NR3C2: variants seen among roughly 807,000 people sequenced by gnomAD.
NR3C2 encodes the protein mineralocorticoid receptor.
A neutral mutation model predicts 86.4 loss-of-function variants in NR3C2; 15 were observed. The observed-to-expected ratio is 0.17, with a 90% CI of 0.12 to 0.27. The LOEUF is 0.27. Ranked by LOEUF, NR3C2 falls within the 10% of genes least tolerant of loss-of-function variation. NR3C2 has a pLI of 1.00. For synonymous variants in NR3C2, 458 were observed against 450.5 expected, an observed-to-expected ratio of 1.02 and a Z score of -0.21; for missense variants, 960 against 1,195.6, an observed-to-expected ratio of 0.80 and a Z score of 2.91.
intron 3 of NR3C2, among the ~76,000 whole-genome samples, chr4:148,223,052 A>G (rs1737943763): frequency 6.6e-6 from 1 of 152,344 alleles, no homozygotes; most frequent in South Asian, 2.1e-4. Flanking sequence ...AACAATGTAA[A>G]CTATAATTCT....
Position 148,080,390 on chromosome 4 carries a change from A to C in NR3C2, c.*954T>G, listed in dbSNP as rs946664761. ...TTAGATATGAAGCTAAAAAAGGCAC[A>C]GCTTTCCCTTTCTTAAATACACTGT... is the stretch of plus-strand genomic sequence containing the variant. On this transcript the variant is annotated 3_prime_UTR_variant, in exon 9 of 9. Coordinates refer to ENST00000358102, the MANE Select transcript of NR3C2 (RefSeq NM_000901.5). 1 of 152,724 alleles carries C rather than the reference A, an allele frequency of 6.5e-6. No individual in the cohort carries two copies. Among genetic ancestry groups the C allele is most frequent in the Admixed American group, 6.5e-5 (1 of 15,294 alleles). 9.5% of individuals were successfully genotyped at this position (152,724 alleles called of 1,614,324 possible).
At chr4:148,185,810 T>C (rs749167900) in intron 4 of NR3C2, among the ~76,000 whole-genome samples, 8 of 152,202 alleles carry the variant, frequency 5.3e-5, no homozygotes, top group Non-Finnish European at 1.2e-4. Flanking sequence ...CATTAGTATA[T>C]ACAGAGTTCC....
Position 148,435,311 on chromosome 4 carries a change from T to A in NR3C2, c.1550A>T (p.Asn517Ile). The A allele has an allele frequency of 6.2e-7, 1 of 1,614,170 alleles. No homozygotes were observed. The highest frequency in any genetic ancestry group is 8.5e-7 in the Non-Finnish European group (1 of 1,180,026). Residue 517 changes from asparagine (N) to isoleucine (I), a missense_variant, in exon 2 of 9, where the codon AAT becomes ATT. By Grantham distance (149) the Asn-to-Ile change is moderately radical (BLOSUM62 -3). Transcript: ENST00000358102. ...SIPSSAIVGVNSGGQSFHYRI... is the reference protein window; with the variant it reads ...SIPSSAIVGVISGGQSFHYRI... ...GTAGTGGAAGGACTGTCCACCTGAA[T>A]TCACCCCAACAATAGCAGAGGAAGG...
intron 3 of NR3C2, among the ~76,000 whole-genome samples, chr4:148,196,318 T>C (rs969947566): frequency 3.9e-5 from 6 of 152,122 alleles, no homozygotes; most frequent in Non-Finnish European, 8.8e-5. Context: ...TTGGACATGG[T>C]AAGTTAGAGA....
intron 6 of NR3C2, among the ~76,000 whole-genome samples, chr4:148,131,159 T>C (rs917112474): frequency 2.0e-5 from 3 of 152,156 alleles, no homozygotes; most frequent in African/African-American, 7.2e-5. Flanking sequence ...TACTATTTAT[T>C]AGTTTAGTAA....
At chr4:148,171,094 T>C (rs1376360265) in intron 4 of NR3C2, among the ~76,000 whole-genome samples, 3 of 152,244 alleles carry the variant, frequency 2.0e-5, no homozygotes, top group Admixed American at 1.3e-4. Flanking sequence ...AGAATATTTG[T>C]TCCTGTGACA....
At chr4:148,394,438 G>A (rs774559448) in intron 2 of NR3C2, among the ~76,000 whole-genome samples, 1 of 151,648 alleles carries the variant, frequency 6.6e-6, no homozygotes, top group Non-Finnish European at 1.5e-5. Flanking sequence ...CCAGGACTTT[G>A]GGAGGCTGAG....
chr4:148,403,958 A>T (rs921698379), intron 2 of NR3C2, among the ~76,000 whole-genome samples: 2 of 152,060 alleles, frequency 1.3e-5, no homozygotes, highest in Non-Finnish European at 2.9e-5. Context: ...CAAATGTTAC[A>T]TATGTTATTT....
chr4:148,439,620 G>C (rs1035828419), intron 1 of NR3C2, among the ~76,000 whole-genome samples: 1 of 152,118 alleles, frequency 6.6e-6, no homozygotes, highest in African/African-American at 2.4e-5. Context: ...ATTGTCTTTT[G>C]GGAAGGGCGG....
rs17024607 is a variant in NR3C2, at chr4:148,332,756, A to C, written c.1758-72639T>G. On this transcript the variant is annotated intron_variant, in intron 2 of 8. Transcript: ENST00000358102. Reference sequence around the variant, plus strand: ...GTGCAATGGAGTGTTAGAGGTAGTCATGGGATACAAGTAGTACATCTTTAT... The same window carrying C: ...GTGCAATGGAGTGTTAGAGGTAGTCCTGGGATACAAGTAGTACATCTTTAT... Among the ~76,000 whole-genome samples, 768 of 152,322 alleles carry C rather than the reference A, an allele frequency of 5.0e-3. 8 individuals are homozygous for C. The highest frequency in any genetic ancestry group is 0.018 in the African/African-American group (744 of 41,578).
chr4:148,284,569 T>C (rs1050340364), intron 2 of NR3C2, among the ~76,000 whole-genome samples: 1 of 152,172 alleles, frequency 6.6e-6, no homozygotes, highest in Non-Finnish European at 1.5e-5. Context: ...CAAGTTACTA[T>C]AAAAACTCCT....
chr4:148,413,163 C>T (rs1175355320), intron 2 of NR3C2, among the ~76,000 whole-genome samples: 2 of 152,136 alleles, frequency 1.3e-5, no homozygotes, highest in Admixed American at 6.5e-5. Context: ...TTCTAAATAG[C>T]TATATAGCAC....
intron 2 of NR3C2, among the ~76,000 whole-genome samples, chr4:148,325,150 G>C (rs970984047): frequency 4.4e-5 from 6 of 135,412 alleles, no homozygotes; most frequent in Admixed American, 1.4e-4. Flanking sequence ...GAGAGAGAGA[G>C]ACAGAGTGTG....
intron 2 of NR3C2, among the ~76,000 whole-genome samples, chr4:148,317,162 A>G (rs34861534): frequency 0.068 from 10,409 of 152,178 alleles, 546 homozygotes; most frequent in African/African-American, 0.15. Context: ...TTAAGACACT[A>G]GAAGTTCAAC....
intron 2 of NR3C2, among the ~76,000 whole-genome samples, chr4:148,348,890 A>C (rs1489255310): frequency 3.3e-5 from 5 of 152,062 alleles, no homozygotes; most frequent in Non-Finnish European, 5.9e-5. Flanking sequence ...TACCTATTTT[A>C]ACTGCTTGAA....
chr4:148,376,168 G>A lies in NR3C2; in HGVS notation c.1757+58936C>T, dbSNP rs532399100. Among the ~76,000 whole-genome samples the A allele has an allele frequency of 3.8e-5, 5 of 130,074 alleles. No homozygotes were observed. In the South Asian group the frequency reaches 1.0e-3, roughly 26 times the overall value. 85.3% of individuals were successfully genotyped at this position (130,074 alleles called of 152,430 possible). ...GGCAAAAAAAAAAAAAAAAACCCAC[G>A]ACGACTGGGCATTTTAACCACAACA... On this transcript the variant is annotated intron_variant, in intron 2 of 8. Coordinates refer to ENST00000358102, the MANE Select transcript of NR3C2 (RefSeq NM_000901.5).
chr4:148,364,990 A>G (rs1390052828), intron 2 of NR3C2, among the ~76,000 whole-genome samples: 3 of 152,208 alleles, frequency 2.0e-5, no homozygotes, highest in Non-Finnish European at 4.4e-5. Flanking sequence ...AACGTACACT[A>G]AGCCATTAGA....
chr4:148,252,257 G>C (rs1215082062), intron 3 of NR3C2, among the ~76,000 whole-genome samples: 1 of 152,172 alleles, frequency 6.6e-6, no homozygotes, highest in Non-Finnish European at 1.5e-5. Flanking sequence ...ATACCTTTAA[G>C]TCTTGTTAAG....
chr4:148,429,814 T>G (rs1417486455), intron 2 of NR3C2, among the ~76,000 whole-genome samples: 3 of 152,220 alleles, frequency 2.0e-5, no homozygotes, highest in Non-Finnish European at 2.9e-5. Context: ...TGGCTATATT[T>G]AAATGTAATC....
Sources: gnomAD v4.1 joint callset for allele counts (sites outside exome capture counted in the v4.1 genomes callset) on GRCh38, gnomAD v4.1.1 for gene constraint, MANE v1.5 for transcripts, NCBI Gene and HGNC (gene_info 2026-07-23, HGNC 2026-07-21) for gene names.